The following GALNT17 variants were observed in gnomAD, a reference collection of about 807,000 sequenced individuals.
GALNT17 encodes the protein UDP-GalNAc:polypeptide N-acetylgalactosaminyltransferase-like 3.
A neutral mutation model predicts 63.7 loss-of-function variants in GALNT17; 29 were observed. The ratio of observed to expected loss-of-function variants is 0.46; its 90% CI spans 0.34 to 0.62. GALNT17 has a LOEUF of 0.62. Ranked by LOEUF, GALNT17 falls within the 20% of genes least tolerant of loss-of-function variation. The probability of loss-of-function intolerance (pLI) is 0.01; values close to 1 mark genes in which losing one functional copy is unlikely to be tolerated. For synonymous variants in GALNT17, 305 were observed against 318.3 expected, an observed-to-expected ratio of 0.96 and a Z score of 0.45; for missense variants, 603 against 799.6, an observed-to-expected ratio of 0.75 and a Z score of 2.97.
Position 71,518,426 on chromosome 7 carries a change from C to T in GALNT17, c.963-52859C>T, listed in dbSNP as rs370812605. ...GAACTCTGGATGGCTGATGTACCAT[C>T]ACTTCAAGCCATCAGTATGTGCTAT... On this transcript the variant is annotated intron_variant, in intron 5 of 10. Coordinates refer to ENST00000333538, the MANE Select transcript of GALNT17 (RefSeq NM_022479.3). Among the ~76,000 whole-genome samples the T allele has an allele frequency of 2.7e-4, 41 of 152,322 alleles. 1 individual carries two copies. The South Asian group carries it at 8.3e-3, about 31-fold the overall frequency.
chr7:71,312,975 G>C (rs1791436239), intron 1 of GALNT17, among the ~76,000 whole-genome samples: 1 of 152,056 alleles, frequency 6.6e-6, no homozygotes, highest in Non-Finnish European at 1.5e-5. Context: ...TGGGCATTGT[G>C]GTGTGTACCT....
At chr7:71,591,291 G>A (rs1287261951) in intron 6 of GALNT17, among the ~76,000 whole-genome samples, 1 of 152,108 alleles carries the variant, frequency 6.6e-6, no homozygotes, top group Admixed American at 6.5e-5. Context: ...CTTGACCTCA[G>A]GTGATCTGCC....
At chr7:71,591,184 G>T (rs888527621) in intron 6 of GALNT17, among the ~76,000 whole-genome samples, 1 of 152,002 alleles carries the variant, frequency 6.6e-6, no homozygotes, top group Non-Finnish European at 1.5e-5. Context: ...AGGCTTCTGA[G>T]TAGCTGGGAT....
intron 1 of GALNT17, among the ~76,000 whole-genome samples, chr7:71,247,494 C>T (rs994313560): frequency 7.2e-5 from 11 of 151,846 alleles, no homozygotes; most frequent in African/African-American, 2.7e-4. Context: ...CTTTTTCTGT[C>T]GCTCCCACTG....
chr7:71,140,279 C>T (rs1314761060), intron 1 of GALNT17, among the ~76,000 whole-genome samples: 4 of 152,198 alleles, frequency 2.6e-5, no homozygotes, highest in Non-Finnish European at 4.4e-5. Context: ...TGAGGACAGG[C>T]GCGGGCCCTG....
intron 1 of GALNT17, among the ~76,000 whole-genome samples, chr7:71,198,123 A>G (rs2116357690): frequency 6.7e-6 from 1 of 150,338 alleles, no homozygotes; most frequent in East Asian, 2.0e-4. Flanking sequence ...GCTTGAACCC[A>G]GGAGGCGGAG....
chr7:71,480,321 A>C (rs1190799750), intron 5 of GALNT17, among the ~76,000 whole-genome samples: 2 of 151,624 alleles, frequency 1.3e-5, no homozygotes, highest in Non-Finnish European at 2.9e-5. Context: ...GTGCCCCACC[A>C]CACCTGGCTA....
chr7:71,546,549 C>T (rs1427290055), intron 5 of GALNT17, among the ~76,000 whole-genome samples: 1 of 152,184 alleles, frequency 6.6e-6, no homozygotes, highest in East Asian at 1.9e-4. Flanking sequence ...TGAATGCAAG[C>T]AGCCTGTGTG....
chr7:71,233,848 T>G (rs1055004071), intron 1 of GALNT17, among the ~76,000 whole-genome samples: 2 of 152,124 alleles, frequency 1.3e-5, no homozygotes, highest in African/African-American at 4.8e-5. Context: ...TTCCACAGGT[T>G]GTACAGGAAG....
At chr7:71,586,494 T>G (rs1375409946) in intron 6 of GALNT17, among the ~76,000 whole-genome samples, 1 of 152,224 alleles carries the variant, frequency 6.6e-6, no homozygotes, top group Non-Finnish European at 1.5e-5. Flanking sequence ...AAGTCTTTTA[T>G]GAACATTTGT....
At chr7:71,295,453 T>C in intron 1 of GALNT17, among the ~76,000 whole-genome samples, 1 of 151,926 alleles carries the variant, frequency 6.6e-6, no homozygotes, top group Non-Finnish European at 1.5e-5. Context: ...CTGTGTATTT[T>C]GTTTCTCTCT....
chr7:71,420,441 C>T (rs991378888), intron 4 of GALNT17, among the ~76,000 whole-genome samples: 9 of 152,110 alleles, frequency 5.9e-5, no homozygotes, highest in Admixed American at 2.0e-4. Flanking sequence ...CCAGGCCATC[C>T]GGGCAGAAGT....
At chr7:71,436,075 AT>A (rs1301348226) in intron 5 of GALNT17, among the ~76,000 whole-genome samples, 2 of 151,230 alleles carry the variant, frequency 1.3e-5, no homozygotes, top group African/African-American at 4.8e-5. Flanking sequence ...AGGGAGACTG[AT>A]TTGAGTAATA....
intron 1 of GALNT17, among the ~76,000 whole-genome samples, chr7:71,273,836 A>T (rs1790635691): frequency 6.8e-6 from 1 of 146,240 alleles, no homozygotes; most frequent in Admixed American, 7.1e-5. Flanking sequence ...CTCTAATGAG[A>T]TAATGTGTGT....
chr7:71,311,373 G>A (rs57361691), intron 1 of GALNT17, among the ~76,000 whole-genome samples: 1 of 152,132 alleles, frequency 6.6e-6, no homozygotes, highest in African/African-American at 2.4e-5. Flanking sequence ...GGGCTCAGTG[G>A]TGAGTCAATC....
intron 6 of GALNT17, among the ~76,000 whole-genome samples, chr7:71,597,864 C>A (rs1487850910): frequency 2.0e-5 from 3 of 152,174 alleles, no homozygotes; most frequent in African/African-American, 7.2e-5. Flanking sequence ...CAGTGCCCCT[C>A]AAAGTCCTCA....
chr7:71,402,531 G>A (rs981369451), intron 3 of GALNT17, among the ~76,000 whole-genome samples: 2 of 152,146 alleles, frequency 1.3e-5, no homozygotes, highest in African/African-American at 4.8e-5. Context: ...TTTTGGTTTA[G>A]GTGTCAGAAA....
intron 6 of GALNT17, among the ~76,000 whole-genome samples, chr7:71,592,621 G>A (rs1789826717): frequency 2.0e-5 from 2 of 98,504 alleles, no homozygotes; most frequent in African/African-American, 6.3e-5. Flanking sequence ...AGCATGCAGA[G>A]TGAGGCAACC....
At chr7:71,285,390 T>C (rs1007986291) in intron 1 of GALNT17, among the ~76,000 whole-genome samples, 1 of 152,222 alleles carries the variant, frequency 6.6e-6, no homozygotes, top group East Asian at 1.9e-4. Flanking sequence ...ATTTGCGTAT[T>C]GTCATGTAAA....
Sources: allele counts gnomAD v4.1 joint callset (sites outside exome capture counted in the v4.1 genomes callset), GRCh38; gene constraint gnomAD v4.1.1; transcripts MANE v1.5; gene names NCBI Gene and HGNC (gene_info 2026-07-23, HGNC 2026-07-21).